The following PIEZO2 variants were observed in gnomAD, a reference collection of about 807,000 sequenced individuals.
The protein encoded by PIEZO2 is piezo type mechanosensitive ion channel component 2.
Under a neutral mutation model 337.3 loss-of-function variants are expected in PIEZO2, and 172 were observed. That is an observed-to-expected ratio of 0.51 (90% CI 0.45 to 0.58). The LOEUF (loss-of-function observed/expected upper bound fraction) is 0.58, where lower values mean the gene tolerates loss of function less well. Among genes scored for constraint, PIEZO2 ranks in the 20% least tolerant of loss-of-function variants. The probability of loss-of-function intolerance (pLI) is 0.00; values close to 1 mark genes in which losing one functional copy is unlikely to be tolerated. For missense variants in PIEZO2, 3,028 were observed against 3,391.3 expected (o/e 0.89, Z 2.66); for synonymous variants, 1,251 against 1,228.5 (o/e 1.02, Z -0.38).
chr18:11,119,147 CTTTT>C (rs58414095), intron 1 of PIEZO2, among the ~76,000 whole-genome samples: 76,372 of 131,576 alleles, frequency 0.58, 23,308 homozygotes, highest in Non-Finnish European at 0.7. Flanking sequence ...CAAATATTTG[CTTTT>C]TTTTTTTTTT....
rs1165995621 is a variant in PIEZO2 at position 11,099,576 on chromosome 18, C to T, written c.65-33354G>A. Among the ~76,000 whole-genome samples the T allele has an allele frequency of 2.6e-5, 4 of 152,196 alleles. No individual in the cohort carries two copies. Among genetic ancestry groups the T allele is most frequent in the Non-Finnish European group, 4.4e-5 (3 of 68,034 alleles). ...CTGCCTCCAGGGTTCAAATGATTCT[C>T]TGGCCTTAGCCTCCCGAGTAGCGGG... is the stretch of plus-strand genomic sequence containing the variant. On this transcript the variant is annotated intron_variant, in intron 1 of 55. Coordinates refer to ENST00000674853, the MANE Select transcript of PIEZO2 (RefSeq NM_001378183.1). This position sits in a 1 kb window ranked among gnomAD's most constrained non-coding sequence, Gnocchi z 5.4.
chr18:10,919,508 C>T (rs2031242966), intron 3 of PIEZO2, among the ~76,000 whole-genome samples: 1 of 151,856 alleles, frequency 6.6e-6, no homozygotes. Context: ...TGTGTTATGC[C>T]CTCATTTTGG....
chr18:10,780,737 A>C (rs373786622), intron 17 of PIEZO2, among the ~76,000 whole-genome samples: 2 of 141,814 alleles, frequency 1.4e-5, no homozygotes, highest in Non-Finnish European at 3.0e-5. Flanking sequence ...ATCTTAGCTC[A>C]TGGCAGCCTC....
intron 2 of PIEZO2, among the ~76,000 whole-genome samples, chr18:11,063,319 A>T (rs4419119): frequency 0.64 from 92,270 of 143,914 alleles, 30,344 homozygotes; most frequent in East Asian, 0.97. Context: ...ATTAGGAGAT[A>T]TACCTAATGT....
rs776175643 is a variant in PIEZO2, at chr18:10,939,928, G to C, written c.287-28700C>G. ...CTGCACATGTATCCCGTGACTTAAA[G>C]TAAAATAAAATTAAAAAAAAAATAC... On this transcript the variant is annotated intron_variant, in intron 3 of 55. Transcript: ENST00000674853. 2.6e-4 allele frequency among the ~76,000 whole-genome samples: 40 copies of C among 151,866 alleles called. No homozygotes were observed. In the South Asian group the frequency reaches 3.1e-3, roughly 12 times the overall value.
At chr18:11,015,283 C>T (rs1260443593) in intron 2 of PIEZO2, among the ~76,000 whole-genome samples, 1 of 151,446 alleles carries the variant, frequency 6.6e-6, no homozygotes, top group African/African-American at 2.4e-5. Flanking sequence ...CCCCTCATTC[C>T]TCAATGTGGG....
At chr18:10,896,854 T>C (rs1434661577) in intron 4 of PIEZO2, among the ~76,000 whole-genome samples, 1 of 152,200 alleles carries the variant, frequency 6.6e-6, no homozygotes, top group Non-Finnish European at 1.5e-5. Context: ...GCTCACCACC[T>C]ACTGCCAAAA....
intron 43 of PIEZO2, among the ~76,000 whole-genome samples, chr18:10,700,583 T>C (rs1052301379): frequency 2.6e-5 from 4 of 152,026 alleles, no homozygotes; most frequent in African/African-American, 9.7e-5. Context: ...GATGAAAAGA[T>C]AGTAAAAGTG....
At position 10,954,662 on chromosome 18, in the gene PIEZO2, G is replaced by A. The variant is rs115974213; in HGVS notation, c.286+24873C>T. Reference sequence around the variant, plus strand: ...CTGAGCTAGAGTGATGGCGGCACTCGAAGTCCACTGCAGTCCACTTTTGGG... The same window carrying A: ...CTGAGCTAGAGTGATGGCGGCACTCAAAGTCCACTGCAGTCCACTTTTGGG... On this transcript the variant is annotated intron_variant, in intron 3 of 55. Coordinates refer to ENST00000674853, the MANE Select transcript of PIEZO2 (RefSeq NM_001378183.1). This position sits in a 1 kb window ranked among gnomAD's most constrained non-coding sequence, Gnocchi z 4.2. 2.5e-3 allele frequency among the ~76,000 whole-genome samples: 387 copies of A among 152,270 alleles called. 4 individuals are homozygous for A. The highest frequency in any genetic ancestry group is 8.8e-3 in the African/African-American group (367 of 41,550).
chr18:10,905,183 A>G (rs565268289), intron 4 of PIEZO2, among the ~76,000 whole-genome samples: 76 of 152,360 alleles, frequency 5.0e-4, no homozygotes, highest in Middle Eastern at 3.4e-3. Context: ...GAATTAAAGA[A>G]TTTAGAAGCC....
chr18:10,912,234 G>A (rs1347393072), intron 3 of PIEZO2, among the ~76,000 whole-genome samples: 1 of 152,028 alleles, frequency 6.6e-6, no homozygotes, highest in Non-Finnish European at 1.5e-5. Context: ...ATAATTTTCT[G>A]AGTACCTGAT....
intron 2 of PIEZO2, among the ~76,000 whole-genome samples, chr18:11,063,920 C>T (rs898823333): frequency 7.2e-5 from 11 of 152,052 alleles, no homozygotes; most frequent in Non-Finnish European, 1.5e-4. Flanking sequence ...CCTTGCACCA[C>T]AAGTAATGTC....
intron 3 of PIEZO2, among the ~76,000 whole-genome samples, chr18:10,944,499 AT>A (rs2032906356): frequency 3.8e-5 from 1 of 26,252 alleles, no homozygotes; most frequent in African/African-American, 1.7e-4. Flanking sequence ...ATATATATAT[AT>A]ATATATCTTA....
At chr18:10,860,851 A>G (rs557679968) in intron 5 of PIEZO2, among the ~76,000 whole-genome samples, 1 of 152,342 alleles carries the variant, frequency 6.6e-6, no homozygotes, top group African/African-American at 2.4e-5. Flanking sequence ...TGTCTTAGGA[A>G]GGATTGGGCC....
intron 1 of PIEZO2, among the ~76,000 whole-genome samples, chr18:11,124,387 T>A (rs1230443879): frequency 6.6e-6 from 1 of 152,210 alleles, no homozygotes; most frequent in African/African-American, 2.4e-5. Context: ...TAAGAAATCA[T>A]TTATTGTGTC....
At chr18:10,915,170 G>C (rs2145097064) in intron 3 of PIEZO2, among the ~76,000 whole-genome samples, 1 of 133,126 alleles carries the variant, frequency 7.5e-6, no homozygotes, top group South Asian at 2.8e-4. Flanking sequence ...TCAGCTGCCA[G>C]AAAGCCAGGC....
intron 4 of PIEZO2, among the ~76,000 whole-genome samples, chr18:10,909,981 C>T (rs59235317): frequency 6.6e-6 from 1 of 152,192 alleles, no homozygotes; most frequent in Non-Finnish European, 1.5e-5. Flanking sequence ...AAAGAAACTG[C>T]TACCACATGG....
At chr18:10,858,945 T>C (rs1210760577) in intron 5 of PIEZO2, among the ~76,000 whole-genome samples, 1 of 152,228 alleles carries the variant, frequency 6.6e-6, no homozygotes, top group East Asian at 1.9e-4. Context: ...ATAAGATTTT[T>C]CTACCCATAC....
chr18:10,906,695 G>A (rs2029960788), intron 4 of PIEZO2, among the ~76,000 whole-genome samples: 1 of 152,012 alleles, frequency 6.6e-6, no homozygotes, highest in Non-Finnish European at 1.5e-5. Flanking sequence ...TGAGTAGTTG[G>A]GACTACAGGC....
Sources: allele counts gnomAD v4.1 joint callset (sites outside exome capture counted in the v4.1 genomes callset), GRCh38; gene constraint gnomAD v4.1.1; non-coding constraint Gnocchi (gnomAD v3.1); transcripts MANE v1.5; gene names NCBI Gene and HGNC (gene_info 2026-07-23, HGNC 2026-07-21).